LAD1: variants seen among roughly 807,000 people sequenced by gnomAD.
The protein encoded by LAD1 is ladinin-1.
In LAD1, 53 loss-of-function variants were observed where a neutral mutation model predicts 54.2. The ratio of observed to expected loss-of-function variants is 0.98; its 90% CI spans 0.78 to 1.23. The LOEUF is 1.23. Ranked by LOEUF, LAD1 falls within the 50% of genes most tolerant of loss-of-function variation. LAD1 has a pLI of 0.00. For synonymous variants in LAD1, 231 were observed against 257.7 expected, an observed-to-expected ratio of 0.90 and a Z score of 0.99; for missense variants, 637 against 653.3, an observed-to-expected ratio of 0.98 and a Z score of 0.27.
At chr1:201,382,386 A>G in intron 8 of LAD1, 60 bp from the exon 9 acceptor site, 1 of 1,340,472 alleles carries the variant, frequency 7.5e-7, no homozygotes, top group Non-Finnish European at 1.1e-6. Context: ...AGGGCTCGGG[A>G]TACCCCAGGC....
At chr1:201,388,681 CA>C (rs35111170) in intron 2 of LAD1, among the ~76,000 whole-genome samples, 198 of 107,726 alleles carry the variant, frequency 1.8e-3, no homozygotes, top group Middle Eastern at 5.1e-3. Context: ...GACTTCGTCT[CA>C]AAAAAAAAAA....
At chr1:201,384,492 GC>G (rs1419720431) in intron 5 of LAD1, among the ~76,000 whole-genome samples, 1 of 151,956 alleles carries the variant, frequency 6.6e-6, no homozygotes, top group African/African-American at 2.4e-5. Context: ...CTCCCAGAAA[GC>G]CCCCTTTCCC....
At chr1:201,382,211 T>C (rs201865399) in intron 9 of LAD1, 41 bp downstream of exon 9, 44 of 1,522,372 alleles carry the variant, frequency 2.9e-5, no homozygotes, top group Non-Finnish European at 3.5e-5. Flanking sequence ...CAGTACACCG[T>C]GGCCCTCCGC....
In LAD1 at chr1:201,399,313, G is replaced by T; in HGVS notation, c.-7C>A. 1.3e-6 allele frequency: 2 copies of T among 1,536,556 alleles called. No individual in the cohort carries two copies. The highest frequency in any genetic ancestry group is 1.7e-6 in the Non-Finnish European group (2 of 1,145,518). On this transcript the variant is annotated 5_prime_UTR_variant, in exon 1 of 10. It adds an upstream start codon to the 5' untranslated region. Coordinates refer to ENST00000391967, the MANE Select transcript of LAD1 (RefSeq NM_005558.4). ...CCTTCCTGCTGACAGCCATGCTGCA[G>T]GAGCCCCGCGTGGCCGCCCGCGCCC...
chr1:201,386,550 T>C lies in LAD1; in HGVS notation c.811A>G (p.Lys271Glu). Residue 271 changes from lysine to glutamate, a missense_variant, in exon 3 of 10, where the codon AAG becomes GAG. Coordinates refer to ENST00000391967, the MANE Select transcript of LAD1 (RefSeq NM_005558.4). ...SIFEKALASE[K>E]SPTADAKPAP... The stretch of plus-strand genomic sequence containing the variant: ...GGCTTAGCATCTGCAGTTGGGCTCT[T>C]CTCTGAGGCCAGTGCCTTCTCAAAG... 6 of 1,613,236 alleles carry C rather than the reference T, an allele frequency of 3.7e-6. No individual in the cohort carries two copies. Among genetic ancestry groups the C allele is most frequent in the Non-Finnish European group, 5.1e-6 (6 of 1,179,730 alleles).
In LAD1 at chr1:201,381,426, G is replaced by A. The variant is rs1379525270; in HGVS notation, c.*462C>T. On this transcript the variant is annotated 3_prime_UTR_variant, in exon 10 of 10. Transcript: ENST00000391967. ...AGCGGGCCTCAGTGGCTGGGAGCAG[G>A]CCCCAGGGACAAAGATGGGTGGGTC... is the stretch of plus-strand genomic sequence containing the variant. The A allele has an allele frequency of 5.1e-6, 1 of 195,348 alleles. No homozygotes were observed. Among genetic ancestry groups the A allele is most frequent in the Non-Finnish European group, 1.1e-5 (1 of 94,336 alleles). The allele number at this position is 195,348 out of a possible 1,614,324, so 12.1% of individuals were successfully genotyped here. A position where few individuals can be genotyped will look rare whatever the true frequency, so the allele number is the denominator to read the frequency against.
chr1:201,383,107 G>T lies in LAD1; in HGVS notation c.1353C>A (p.Gly451=). The change falls in exon 7 of 10, where the codon GGC becomes GGA. Residue 451 remains glycine (G), a synonymous_variant. Coordinates refer to ENST00000391967, the MANE Select transcript of LAD1 (RefSeq NM_005558.4). ...TGGAGGCTGGTTCTGCTCGGCTCTG[G>T]CCCGCCAGTTCCTTCTCAAAGAGGT... ...KRHLFEKELA[G]QSRAEPASSR... 6.2e-7 allele frequency: 1 copy of T among 1,613,958 alleles called. No homozygotes were observed. Among genetic ancestry groups the T allele is most frequent in the Non-Finnish European group, 8.5e-7 (1 of 1,179,980 alleles).
At chr1:201,389,716 G>A (rs1662165057) in intron 1 of LAD1, among the ~76,000 whole-genome samples, 1 of 151,768 alleles carries the variant, frequency 6.6e-6, no homozygotes, top group African/African-American at 2.4e-5. Flanking sequence ...CAGCTACTGA[G>A]GAGGTTGAGG....
At chr1:201,382,867 G>A in intron 7 of LAD1, 128 bp from the exon 8 acceptor site, 2 of 956,520 alleles carry the variant, frequency 2.1e-6, no homozygotes, top group Non-Finnish European at 1.6e-6. Context: ...ACATATACCT[G>A]GGACAGCCCC....
intron 1 of LAD1, among the ~76,000 whole-genome samples, chr1:201,393,851 C>CTTTTTTTTT (rs35169716): frequency 8.9e-6 from 1 of 112,256 alleles, no homozygotes; most frequent in Non-Finnish European, 1.7e-5. Flanking sequence ...TTAAGTTTTG[C>CTTTTTTTTT]TTTTTTTTTT....
chr1:201,387,039 G>T lies in LAD1; in HGVS notation c.322C>A (p.Pro108Thr). 6.2e-7 allele frequency: 1 copy of T among 1,612,328 alleles called. No homozygotes were observed. Among genetic ancestry groups the T allele is most frequent in the Admixed American group, 1.7e-5 (1 of 59,798 alleles). Residue 108 changes from proline to threonine, a missense_variant, in exon 3 of 10, where the codon CCC becomes ACC. By Grantham distance (38) the Pro-to-Thr change is conservative. Coordinates refer to ENST00000391967, the MANE Select transcript of LAD1 (RefSeq NM_005558.4). ...RRQVVEAAQA[P>T]IQERLEAEEG... ...TCTGCCTCCAGCCTCTCCTGGATGG[G>T]GGCCTGTGCAGCCTCCACCACCTGC...
chr1:201,389,088 C>A (rs768156549), intron 2 of LAD1, 72 bp downstream of exon 2: 2 of 1,537,264 alleles, frequency 1.3e-6, no homozygotes, highest in Non-Finnish European at 1.8e-6. Flanking sequence ...CCTGAGCAGA[C>A]TGAATATGCT....
At chr1:201,382,766 G>A (rs1245646381) in intron 7 of LAD1, 27 bp from the exon 8 acceptor site, 5 of 1,542,418 alleles carry the variant, frequency 3.2e-6, no homozygotes, top group African/African-American at 2.7e-5. Context: ...CCATCTCAGG[G>A]TTTAGGGCCC....
chr1:201,398,800 C>T (rs1358018896), intron 1 of LAD1, among the ~76,000 whole-genome samples: 1 of 152,180 alleles, frequency 6.6e-6, no homozygotes, highest in African/African-American at 2.4e-5. Context: ...CTCCAGTCCT[C>T]TTCACTGACC....
At chr1:201,388,915 T>C (rs988313994) in intron 2 of LAD1, among the ~76,000 whole-genome samples, 1 of 152,208 alleles carries the variant, frequency 6.6e-6, no homozygotes, top group Non-Finnish European at 1.5e-5. Flanking sequence ...ACGTGAGCTA[T>C]GGCCATAAAA....
At chr1:201,393,416 G>A (rs987213525) in intron 1 of LAD1, among the ~76,000 whole-genome samples, 10 of 152,224 alleles carry the variant, frequency 6.6e-5, no homozygotes, top group African/African-American at 2.2e-4. Flanking sequence ...AAAGGAATTA[G>A]TGAGTATCAA....
At chr1:201,383,558 C>T in intron 5 of LAD1, 169 bp from the exon 6 acceptor site, 2 of 677,624 alleles carry the variant, frequency 3.0e-6, no homozygotes. Context: ...GAGGAACTTA[C>T]AGACGCCAGG....
At chr1:201,398,209 C>T (rs945071183) in intron 1 of LAD1, among the ~76,000 whole-genome samples, 2 of 152,250 alleles carry the variant, frequency 1.3e-5, no homozygotes, top group East Asian at 1.9e-4. Context: ...AGAGGACATA[C>T]TAGAGCACTG....
At chr1:201,385,397 T>C (rs143768115) in intron 4 of LAD1, among the ~76,000 whole-genome samples, 49 of 152,310 alleles carry the variant, frequency 3.2e-4, no homozygotes, top group African/African-American at 1.1e-3. Flanking sequence ...CAGGAACTGA[T>C]GAAGGCAGGT....
Sources: allele counts gnomAD v4.1 joint callset (sites outside exome capture counted in the v4.1 genomes callset), GRCh38; gene constraint gnomAD v4.1.1; transcripts MANE v1.5; gene names NCBI Gene and HGNC (gene_info 2026-07-23, HGNC 2026-07-21).